RBFOX1: variants seen among roughly 807,000 people sequenced by gnomAD.
RBFOX1 encodes RNA binding fox-1 homolog 1.
RBFOX1 carries 8 observed loss-of-function variants against 57.7 expected under a neutral mutation model. That is an observed-to-expected ratio of 0.14 (90% CI 0.08 to 0.25). The LOEUF is 0.25. Ranked by LOEUF, RBFOX1 falls within the 10% of genes least tolerant of loss-of-function variation. The pLI is 1.00. For missense variants in RBFOX1, 611 were observed against 548.5 expected (o/e 1.11, Z -1.14); for synonymous variants, 326 against 222.4 (o/e 1.47, Z -4.15).
intron 3 of RBFOX1, among the ~76,000 whole-genome samples, chr16:5,645,752 A>G (rs958671349): frequency 6.6e-6 from 1 of 152,188 alleles, no homozygotes; most frequent in African/African-American, 2.4e-5. Context: ...TGTAGCCTCA[A>G]TCTCCTGGCC....
chr16:6,664,767 C>G (rs557988145), intron 3 of RBFOX1, among the ~76,000 whole-genome samples: 19 of 152,256 alleles, frequency 1.2e-4, no homozygotes, highest in Non-Finnish European at 2.5e-4. Context: ...CCAAGAAATC[C>G]TCAGCAGTTT....
At chr16:7,362,640 A>T (rs1296046398) in intron 4 of RBFOX1, among the ~76,000 whole-genome samples, 2 of 151,146 alleles carry the variant, frequency 1.3e-5, no homozygotes, top group Non-Finnish European at 2.9e-5. Flanking sequence ...TTTTGTGCGT[A>T]TCTTAGTATG....
At position 6,660,787 on chromosome 16, in the gene RBFOX1, C is replaced by T. The variant is rs186365562; in HGVS notation, c.-16+6137C>T. ...ATTTTTATTTTTGCTGGTATCCACA[C>T]CTACAGGCCTACCATGTCATTTATA... On this transcript the variant is annotated intron_variant, in intron 3 of 15. Coordinates refer to ENST00000550418, the MANE Select transcript of RBFOX1 (RefSeq NM_018723.4). Among the ~76,000 whole-genome samples, 4 of 152,232 alleles carry T rather than the reference C, an allele frequency of 2.6e-5. No homozygotes were observed. The East Asian group carries it at 7.7e-4, about 29-fold the overall frequency.
chr16:6,127,847 TC>T lies in RBFOX1; in HGVS notation c.-127+107856del, dbSNP rs1404058133. ...TTGTAAAACCTAAAAAAAATTTTTT[TC>T]TTTACTTTTGTTGGAGAAAAGGGAA... On this transcript the variant is annotated intron_variant, in intron 1 of 15. Transcript: ENST00000550418. Among the ~76,000 whole-genome samples, 3 of 152,224 alleles carry T rather than the reference TC, an allele frequency of 2.0e-5. No homozygotes were observed. In the East Asian group the frequency reaches 5.8e-4, roughly 29 times the overall value.
chr16:7,137,675 C>T (rs1325756495), intron 4 of RBFOX1, among the ~76,000 whole-genome samples: 1 of 152,180 alleles, frequency 6.6e-6, no homozygotes, highest in East Asian at 1.9e-4. Flanking sequence ...TAGGGGCAAG[C>T]TCCTTGGTTA....
At chr16:7,473,589 C>T (rs1230513049) in intron 4 of RBFOX1, among the ~76,000 whole-genome samples, 1 of 151,160 alleles carries the variant, frequency 6.6e-6, no homozygotes, top group East Asian at 1.9e-4. Context: ...TCCTCTTTAC[C>T]TGCTACCCAT....
At chr16:7,190,686 G>A (rs777888237) in intron 4 of RBFOX1, among the ~76,000 whole-genome samples, 4 of 151,642 alleles carry the variant, frequency 2.6e-5, no homozygotes, top group Non-Finnish European at 5.9e-5. Flanking sequence ...CCAGAAATCA[G>A]TGCCATTCCA....
At chr16:7,183,979 C>G (rs959992323) in intron 4 of RBFOX1, among the ~76,000 whole-genome samples, 2 of 152,074 alleles carry the variant, frequency 1.3e-5, no homozygotes, top group African/African-American at 2.4e-5. Context: ...CATTAAAGAA[C>G]TGAAATAGGA....
intron 2 of RBFOX1, among the ~76,000 whole-genome samples, chr16:6,394,002 A>C (rs982749199): frequency 5.3e-5 from 8 of 152,140 alleles, no homozygotes; most frequent in African/African-American, 1.7e-4. Context: ...TTCATTTTGG[A>C]AACTGTTTAG....
chr16:7,337,488 A>G (rs191057002), intron 4 of RBFOX1, among the ~76,000 whole-genome samples: 2 of 152,118 alleles, frequency 1.3e-5, no homozygotes, highest in East Asian at 1.9e-4. Context: ...GTCTTTTCCA[A>G]CTTACTGCCA....
chr16:6,925,682 T>A (rs1284417094), intron 3 of RBFOX1, among the ~76,000 whole-genome samples: 2 of 151,984 alleles, frequency 1.3e-5, no homozygotes, highest in African/African-American at 4.8e-5. Context: ...GTTAACAGCT[T>A]GATATTTGAG....
intron 4 of RBFOX1, among the ~76,000 whole-genome samples, chr16:7,139,176 C>CTCTCTCTCTCTCTCTGTGTG (rs372381673): frequency 3.9e-3 from 573 of 145,886 alleles, no homozygotes; most frequent in African/African-American, 8.5e-3. Context: ...CAATCTCTCT[C>CTCTCTCTCTCTCTCTGTGTG]TGTGTGTGTG....
chr16:6,945,807 C>T (rs1342824516), intron 3 of RBFOX1, among the ~76,000 whole-genome samples: 1 of 152,204 alleles, frequency 6.6e-6, no homozygotes, highest in African/African-American at 2.4e-5. Flanking sequence ...GGGAGAATCG[C>T]CTGAACCCAG....
At chr16:7,553,200 AG>A in intron 5 of RBFOX1, among the ~76,000 whole-genome samples, 1 of 152,108 alleles carries the variant, frequency 6.6e-6, no homozygotes, top group Admixed American at 6.5e-5. Context: ...ACTGGAGTGC[AG>A]TGGTGCAATC....
At chr16:6,676,121 C>A (rs966830281) in intron 3 of RBFOX1, among the ~76,000 whole-genome samples, 1 of 141,006 alleles carries the variant, frequency 7.1e-6, no homozygotes, top group Admixed American at 7.6e-5. Flanking sequence ...AGGATGCTGC[C>A]TAGGGGACAC....
rs931428680 is a variant in RBFOX1, at chr16:7,352,264, C to G, written c.28-165883C>G. Among the ~76,000 whole-genome samples, 42 of 152,188 alleles carry G rather than the reference C, an allele frequency of 2.8e-4. 1 individual carries two copies. Among genetic ancestry groups the G allele is most frequent in the African/African-American group, 8.2e-4 (34 of 41,434 alleles). ...ACTGGATACAGCTGTGCAGTGTAAC[C>G]TAAATCTTTGCACGTGTCTTTAAAC... On this transcript the variant is annotated intron_variant, in intron 4 of 15. Coordinates refer to ENST00000550418, the MANE Select transcript of RBFOX1 (RefSeq NM_018723.4).
At chr16:6,450,820 T>C (rs11648580) in intron 2 of RBFOX1, among the ~76,000 whole-genome samples, 714 of 21,494 alleles carry the variant, frequency 0.033, 58 homozygotes, top group Admixed American at 0.064. Flanking sequence ...TATATATACA[T>C]ATATATATAT....
intron 3 of RBFOX1, among the ~76,000 whole-genome samples, chr16:5,713,159 G>T (rs755442067): frequency 2.0e-4 from 30 of 152,156 alleles, no homozygotes; most frequent in Admixed American, 3.9e-4. Context: ...TGGATTTCTT[G>T]TTCTGTGTAA....
At chr16:5,439,031 A>G (rs1296371217) in intron 1 of RBFOX1, among the ~76,000 whole-genome samples, 1 of 71,714 alleles carries the variant, frequency 1.4e-5, no homozygotes, top group Admixed American at 1.4e-4. Context: ...GTAGAGAATA[A>G]TGGGGGGGGG....
Sources: gnomAD v4.1 joint callset for allele counts (sites outside exome capture counted in the v4.1 genomes callset) on GRCh38, gnomAD v4.1.1 for gene constraint, MANE v1.5 for transcripts, NCBI Gene and HGNC (gene_info 2026-07-23, HGNC 2026-07-21) for gene names.